NBEA: variants seen among roughly 807,000 people sequenced by gnomAD.
The protein encoded by NBEA is lysosomal-trafficking regulator 2.
Under a neutral mutation model 343.4 loss-of-function variants are expected in NBEA, and 44 were observed. The observed-to-expected ratio is 0.13, with a 90% CI of 0.10 to 0.16. The LOEUF (loss-of-function observed/expected upper bound fraction) is 0.16, where lower values mean the gene tolerates loss of function less well. Among genes scored for constraint, NBEA ranks in the 10% least tolerant of loss-of-function variants. The probability of loss-of-function intolerance (pLI) is 1.00; values close to 1 mark genes in which losing one functional copy is unlikely to be tolerated. For missense variants in NBEA, 2,555 were observed against 3,631.3 expected (o/e 0.70, Z 7.62); for synonymous variants, 1,175 against 1,238.7 (o/e 0.95, Z 1.08).
chr13:34,993,068 C>T (rs562142677), intron 1 of NBEA, among the ~76,000 whole-genome samples: 5 of 152,228 alleles, frequency 3.3e-5, no homozygotes, highest in South Asian at 4.2e-4. Flanking sequence ...ATTCATTACT[C>T]GCTCCTCTCT....
chr13:35,146,681 G>C (rs578107242), intron 18 of NBEA, among the ~76,000 whole-genome samples: 3 of 152,144 alleles, frequency 2.0e-5, no homozygotes, highest in South Asian at 4.2e-4. Context: ...TTTTCTGGTA[G>C]GTCTGCTTGG....
intron 46 of NBEA, among the ~76,000 whole-genome samples, chr13:35,589,807 G>A (rs1444255536): frequency 6.6e-6 from 1 of 152,082 alleles, no homozygotes; most frequent in South Asian, 2.1e-4. Flanking sequence ...ACTTTCCAGT[G>A]CAGGCAAGGT....
intron 41 of NBEA, chr13:35,475,121 T>C: frequency 6.2e-7 from 1 of 1,614,184 alleles, no homozygotes; most frequent in Non-Finnish European, 8.5e-7. Flanking sequence ...CACGTTTGTT[T>C]GGCAGCGTTT....
intron 34 of NBEA, among the ~76,000 whole-genome samples, chr13:35,261,222 T>G (rs142199494): frequency 6.6e-6 from 1 of 152,180 alleles, no homozygotes; most frequent in East Asian, 1.9e-4. Flanking sequence ...ATATTTAAAG[T>G]AAAATATGGG....
intron 35 of NBEA, 108 bp downstream of exon 35, chr13:35,290,558 C>T: frequency 1.4e-6 from 1 of 698,750 alleles, no homozygotes; most frequent in Non-Finnish European, 2.4e-6. Flanking sequence ...TTTAAAATTT[C>T]CATCTATTAT....
At chr13:34,948,974 G>A (rs1325545399) in intron 1 of NBEA, among the ~76,000 whole-genome samples, 1 of 152,114 alleles carries the variant, frequency 6.6e-6, no homozygotes, top group Non-Finnish European at 1.5e-5. Context: ...TTAAAGCTTT[G>A]TAGGTCATAA....
chr13:35,253,838 G>A (rs1449812184), intron 34 of NBEA, among the ~76,000 whole-genome samples: 1 of 150,470 alleles, frequency 6.6e-6, no homozygotes, highest in African/African-American at 2.5e-5. Flanking sequence ...TAAGTAAGAA[G>A]TATTAAGAAA....
intron 48 of NBEA, among the ~76,000 whole-genome samples, chr13:35,626,090 G>C (rs2153064206): frequency 6.6e-6 from 1 of 152,268 alleles, no homozygotes; most frequent in Admixed American, 6.5e-5. Flanking sequence ...GAAGCAATGG[G>C]CTAGTCACAC....
intron 38 of NBEA, among the ~76,000 whole-genome samples, chr13:35,417,188 C>T (rs1410258044): frequency 2.6e-5 from 4 of 152,102 alleles, no homozygotes; most frequent in Non-Finnish European, 4.4e-5. Context: ...AAAAAACCAG[C>T]TCCTGGATTC....
chr13:35,084,989 T>C (rs1035707698), intron 10 of NBEA, among the ~76,000 whole-genome samples: 1 of 151,982 alleles, frequency 6.6e-6, no homozygotes, highest in African/African-American at 2.4e-5. Flanking sequence ...CTAGAAGAAA[T>C]GGATGAATTC....
At chr13:35,110,120 T>A (rs2152657884) in intron 12 of NBEA, among the ~76,000 whole-genome samples, 1 of 149,554 alleles carries the variant, frequency 6.7e-6, no homozygotes, top group Non-Finnish European at 1.5e-5. Flanking sequence ...GTTAGTTACA[T>A]ATGTATACAT....
Position 34,969,964 on chromosome 13 carries a change from A to G in NBEA, c.294+26850A>G, listed in dbSNP as rs73490356. 6.4e-3 allele frequency among the ~76,000 whole-genome samples: 970 copies of G among 152,246 alleles called. 11 individuals are homozygous for G. Among genetic ancestry groups the G allele is most frequent in the African/African-American group, 0.022 (929 of 41,550 alleles). ...ATTTCTGTCTTTAGGTCTTTGAGAA[A>G]TCATTGCACTATTTTCTACAATGGT... On this transcript the variant is annotated intron_variant, in intron 1 of 58. Transcript: ENST00000379939.
chr13:35,551,576 A>C (rs2079327372), intron 43 of NBEA, among the ~76,000 whole-genome samples: 1 of 152,314 alleles, frequency 6.6e-6, no homozygotes, highest in African/African-American at 2.4e-5. Context: ...AGAAAACATA[A>C]TCAGTAGTTA....
At chr13:35,129,714 A>G (rs1362441678) in intron 17 of NBEA, among the ~76,000 whole-genome samples, 2 of 152,094 alleles carry the variant, frequency 1.3e-5, no homozygotes, top group Non-Finnish European at 2.9e-5. Flanking sequence ...AAAGTAAATT[A>G]CTAAAGTTTT....
chr13:35,056,961 G>A (rs2063290934), intron 7 of NBEA, among the ~76,000 whole-genome samples: 1 of 152,094 alleles, frequency 6.6e-6, no homozygotes, highest in South Asian at 2.1e-4. Flanking sequence ...CTTTATTAGT[G>A]TCTACCAGTA....
intron 41 of NBEA, among the ~76,000 whole-genome samples, chr13:35,485,921 T>G (rs1350210684): frequency 6.6e-6 from 1 of 152,120 alleles, no homozygotes; most frequent in Non-Finnish European, 1.5e-5. Flanking sequence ...AATAAGAAAC[T>G]CTGGGTAAGA....
intron 30 of NBEA, among the ~76,000 whole-genome samples, chr13:35,195,522 C>T (rs1442628565): frequency 6.6e-6 from 1 of 152,042 alleles, no homozygotes; most frequent in Non-Finnish European, 1.5e-5. Flanking sequence ...CCTCAGCCTC[C>T]CGAGTAGCTG....
intron 41 of NBEA, among the ~76,000 whole-genome samples, chr13:35,508,334 TA>T (rs1304943119): frequency 1.3e-5 from 2 of 152,180 alleles, no homozygotes; most frequent in African/African-American, 2.4e-5. Context: ...TGAGGGATAT[TA>T]TAAGCCATAT....
chr13:34,960,864 T>C (rs2059640034), intron 1 of NBEA, among the ~76,000 whole-genome samples: 1 of 152,120 alleles, frequency 6.6e-6, no homozygotes. Flanking sequence ...GACTGTATTT[T>C]ATCCTAGAAA....
Sources: allele counts gnomAD v4.1 joint callset (sites outside exome capture counted in the v4.1 genomes callset), GRCh38; gene constraint gnomAD v4.1.1; transcripts MANE v1.5; gene names NCBI Gene and HGNC (gene_info 2026-07-23, HGNC 2026-07-21).